ABR: variants seen among roughly 807,000 people sequenced by gnomAD.
ABR encodes the protein active breakpoint cluster region-related protein.
In ABR, 35 loss-of-function variants were observed where a neutral mutation model predicts 107.2. That is an observed-to-expected ratio of 0.33 (90% CI 0.25 to 0.43). ABR has a LOEUF of 0.43. Ranked by LOEUF, ABR falls within the 20% of genes least tolerant of loss-of-function variation. The pLI, the probability that ABR is intolerant of heterozygous loss-of-function variation, is 1.00. For missense variants in ABR, 815 were observed against 1,115.2 expected (o/e 0.73, Z 3.83); for synonymous variants, 498 against 462.0 (o/e 1.08, Z -1.00).
intron 1 of ABR, among the ~76,000 whole-genome samples, chr17:1,203,615 C>T (rs78571244): frequency 0.46 from 67,127 of 144,696 alleles, 16,272 homozygotes; most frequent in East Asian, 0.74. Flanking sequence ...TGAGTCACCG[C>T]CCGCCGCCGC....
intron 1 of ABR, among the ~76,000 whole-genome samples, chr17:1,142,171 T>C (rs2040311455): frequency 1.3e-5 from 2 of 152,220 alleles, no homozygotes; most frequent in African/African-American, 2.4e-5. Flanking sequence ...TGAATTGGTA[T>C]GGAATGGCCT....
At chr17:1,159,592 ACTCACACACATGAGAAGTAAGAATGCG>A (rs2041197688) in intron 1 of ABR, among the ~76,000 whole-genome samples, 2 of 113,806 alleles carry the variant, frequency 1.8e-5, no homozygotes, top group African/African-American at 7.0e-5. Context: ...AGAATGCGGT[ACTCACACACATGAGAAGTAAGAATGCG>A]GTACTCACGC....
chr17:1,077,007 C>T (rs1049222196), intron 6 of ABR, among the ~76,000 whole-genome samples: 4 of 152,234 alleles, frequency 2.6e-5, no homozygotes, highest in Non-Finnish European at 5.9e-5. Context: ...CCCAAGGGTA[C>T]TGAGTTAACT....
chr17:1,118,524 C>G (rs2039166087), intron 2 of ABR, among the ~76,000 whole-genome samples: 8 of 8,094 alleles, frequency 9.9e-4, no homozygotes, highest in Non-Finnish European at 2.6e-3. Flanking sequence ...CAGCGTTATC[C>G]CTGAGCCTGA....
At chr17:1,088,089 C>T (rs2036747446) in intron 4 of ABR, among the ~76,000 whole-genome samples, 1 of 152,188 alleles carries the variant, frequency 6.6e-6, no homozygotes, top group African/African-American at 2.4e-5. Flanking sequence ...GACCCGGCTC[C>T]CCCCGGGCCC....
At chr17:1,175,562 T>G (rs2041890258) in intron 1 of ABR, among the ~76,000 whole-genome samples, 1 of 152,118 alleles carries the variant, frequency 6.6e-6, no homozygotes, top group African/African-American at 2.4e-5. Context: ...CATCTGTCAC[T>G]CCACAGGGAA....
chr17:1,187,941 C>A (rs1285901463), upstream of ABR, among the ~76,000 whole-genome samples: 1 of 144,474 alleles, frequency 6.9e-6, no homozygotes, highest in Non-Finnish European at 1.5e-5. Context: ...TTGGGCCGGG[C>A]ACAGAGGCTC....
intron 16 of ABR, among the ~76,000 whole-genome samples, chr17:1,029,428 C>T (rs2072527486): frequency 6.6e-6 from 1 of 152,172 alleles, no homozygotes; most frequent in Non-Finnish European, 1.5e-5. Context: ...TCCATCTGAA[C>T]AGATTGTTTA....
intron 1 of ABR, among the ~76,000 whole-genome samples, chr17:1,193,271 C>G (rs1190247416): frequency 6.7e-6 from 1 of 148,820 alleles, no homozygotes; most frequent in South Asian, 2.2e-4. Context: ...TGGGACACCC[C>G]CTCCCCCTCA....
At chr17:1,138,221 C>T (rs773346455) in intron 1 of ABR, among the ~76,000 whole-genome samples, 8 of 151,810 alleles carry the variant, frequency 5.3e-5, no homozygotes, top group Non-Finnish European at 1.0e-4. Flanking sequence ...ACTTTTGCAC[C>T]AGCCTAAATA....
At position 1,071,088 on chromosome 17, in the gene ABR, A is replaced by G. The variant is rs114457158; in HGVS notation, c.895-998T>C. Among the ~76,000 whole-genome samples the G allele has an allele frequency of 8.2e-3, 1,253 of 152,216 alleles. 18 individuals are homozygous for G. Among genetic ancestry groups the G allele is most frequent in the African/African-American group, 0.028 (1,160 of 41,538 alleles). The stretch of plus-strand genomic sequence containing the variant: ...TGAGGCAGGAGAATTGCTTGAACCC[A>G]GAGGGTGGAGGCTGCAGTGGAGCTG... On this transcript the variant is annotated intron_variant, in intron 8 of 22. Coordinates refer to ENST00000302538, the MANE Select transcript of ABR (RefSeq NM_021962.5). The surrounding 1 kb of genome is among the most constrained non-coding windows in gnomAD (Gnocchi z 5.1).
chr17:1,221,690 C>T (rs9899436), intron 1 of ABR, among the ~76,000 whole-genome samples: 91,366 of 151,638 alleles, frequency 0.6, 28,764 homozygotes, highest in African/African-American at 0.78. Flanking sequence ...GCTCTTCAAA[C>T]GCCAGAAAGG....
intron 2 of ABR, among the ~76,000 whole-genome samples, chr17:1,112,663 T>C (rs2151401190): frequency 8.3e-6 from 1 of 120,006 alleles, no homozygotes; most frequent in Middle Eastern, 5.7e-3. Context: ...GAAGCGCTGC[T>C]TGCTAGAGGA....
intron 3 of ABR, among the ~76,000 whole-genome samples, chr17:1,098,906 C>T (rs2037674979): frequency 6.6e-6 from 1 of 152,226 alleles, no homozygotes; most frequent in Admixed American, 6.5e-5. Flanking sequence ...CTGCCTCAGC[C>T]TCCTGAGTAG....
chr17:1,073,625 G>C lies in ABR; in HGVS notation c.753C>G (p.His251Gln). The C allele has an allele frequency of 6.3e-7, 1 of 1,588,598 alleles. No individual in the cohort carries two copies. Among genetic ancestry groups the C allele is most frequent in the Middle Eastern group, 1.7e-4 (1 of 5,960 alleles). The change falls in exon 7 of 23, where the codon CAC (histidine) becomes CAG (glutamine). Residue 251 changes from histidine to glutamine, a missense_variant and splice_region_variant. By Grantham distance (24) the His-to-Gln change is conservative. Around this residue, in one of 5 missense-constraint regions of ABR, gnomAD observed 385 missense variants for 596.9 expected, o/e 0.64. Transcript: ENST00000302538. ...GGCCATTCGGAGGCTTGACACTCAC[G>C]TGTAGGACTAGGGTGCTCCGAGTGA... ...DRVTRSTLVLHDLLKHTPVDH... is the reference protein window; with the variant it reads ...DRVTRSTLVLQDLLKHTPVDH...
intron 16 of ABR, among the ~76,000 whole-genome samples, chr17:1,036,200 C>G (rs539149945): frequency 4.3e-4 from 66 of 152,302 alleles, no homozygotes; most frequent in Non-Finnish European, 7.6e-4. Context: ...GCAAATGACT[C>G]CAGGAGAGGG....
At chr17:1,116,507 G>GA (rs1418372639) in intron 2 of ABR, among the ~76,000 whole-genome samples, 8 of 152,332 alleles carry the variant, frequency 5.3e-5, no homozygotes, top group African/African-American at 1.7e-4. Flanking sequence ...AGAGCTGTGG[G>GA]ATGAGCCAGG....
intron 16 of ABR, among the ~76,000 whole-genome samples, chr17:1,028,115 G>A (rs1446668030): frequency 3.3e-5 from 5 of 152,066 alleles, no homozygotes; most frequent in Non-Finnish European, 5.9e-5. Context: ...CCCCAAGACC[G>A]AGTCTCGCTC....
Position 1,003,577 on chromosome 17 carries a change from G to C in ABR, c.*2503C>G, listed in dbSNP as rs1401469427. ...TTTATTAACATTTTCCTCTCACGTG[G>C]TTTACATCAATTTATAATAATCTAC... On this transcript the variant is annotated 3_prime_UTR_variant, in exon 23 of 23. Coordinates refer to ENST00000302538, the MANE Select transcript of ABR (RefSeq NM_021962.5). 1 of 152,488 alleles carries C rather than the reference G, an allele frequency of 6.6e-6. No individual in the cohort carries two copies. The highest frequency in any genetic ancestry group is 1.5e-5 in the Non-Finnish European group (1 of 68,028). 9.4% of individuals were successfully genotyped at this position (152,488 alleles called of 1,614,324 possible). A position where few individuals can be genotyped will look rare whatever the true frequency, so the allele number is the denominator to read the frequency against.
Sources: allele counts gnomAD v4.1 joint callset (sites outside exome capture counted in the v4.1 genomes callset), GRCh38; gene constraint gnomAD v4.1.1; regional missense constraint gnomAD v4.1.1; non-coding constraint Gnocchi (gnomAD v3.1); transcripts MANE v1.5; gene names NCBI Gene and HGNC (gene_info 2026-07-23, HGNC 2026-07-21).